Variants in PTPN14 observed in about 807,000 individuals in gnomAD.
The protein encoded by PTPN14 is protein tyrosine phosphatase non-receptor type 14.
In PTPN14, 53 loss-of-function variants were observed where a neutral mutation model predicts 126.8. The observed-to-expected ratio is 0.42, with a 90% CI of 0.34 to 0.53. PTPN14 has a LOEUF of 0.53. Among genes scored for constraint, PTPN14 ranks in the 20% least tolerant of loss-of-function variants. The pLI, the probability that PTPN14 is intolerant of heterozygous loss-of-function variation, is 0.08. For synonymous variants in PTPN14, 630 were observed against 599.3 expected (o/e 1.05, Z -0.75); for missense variants, 1,257 against 1,552.9 (o/e 0.81, Z 3.20).
chr1:214,410,952 A>G (rs1659294209), intron 5 of PTPN14, among the ~76,000 whole-genome samples: 1 of 152,154 alleles, frequency 6.6e-6, no homozygotes, highest in Non-Finnish European at 1.5e-5. Context: ...GGTGACTCCA[A>G]ATGAATTTTA....
chr1:214,472,924 T>C (rs1225812247), intron 1 of PTPN14, among the ~76,000 whole-genome samples: 4 of 152,230 alleles, frequency 2.6e-5, no homozygotes, highest in Admixed American at 6.5e-5. Context: ...GTGCCCATGC[T>C]TGCTGAAAGC....
intron 7 of PTPN14, among the ~76,000 whole-genome samples, chr1:214,398,304 A>G (rs1294403116): frequency 6.6e-6 from 1 of 152,230 alleles, no homozygotes; most frequent in Admixed American, 6.5e-5. Flanking sequence ...AGAAGGATAG[A>G]GTATAATGGT....
chr1:214,447,548 TAAC>T (rs74374505), intron 3 of PTPN14, among the ~76,000 whole-genome samples: 11,308 of 152,160 alleles, frequency 0.074, 536 homozygotes, highest in Non-Finnish European at 0.11. Context: ...CTTTTCTTCC[TAAC>T]AACTTTTCTT....
chr1:214,500,406 T>C (rs1055522651), intron 1 of PTPN14, among the ~76,000 whole-genome samples: 10 of 152,172 alleles, frequency 6.6e-5, no homozygotes, highest in Admixed American at 6.5e-4. Flanking sequence ...CAGATTTTCC[T>C]AGTTCTTTGG....
chr1:214,548,398 G>T (rs542474796), intron 1 of PTPN14, among the ~76,000 whole-genome samples: 1 of 152,256 alleles, frequency 6.6e-6, no homozygotes, highest in African/African-American at 2.4e-5. Context: ...AGATCCAAAA[G>T]CGTATTTTAA....
At chr1:214,512,297 G>T (rs1456732067) in intron 1 of PTPN14, among the ~76,000 whole-genome samples, 1 of 151,988 alleles carries the variant, frequency 6.6e-6, no homozygotes, top group Non-Finnish European at 1.5e-5. Context: ...ACAAAATAAG[G>T]GTTTGGCCTA....
chr1:214,414,672 A>G lies in PTPN14; in HGVS notation c.399T>C (p.Cys133=). The change falls in exon 4 of 19, where the codon TGT becomes TGC. Residue 133 remains cysteine (C), a synonymous_variant. Transcript: ENST00000366956. ...KKDVLEGRLR[C]TLDQVIRLAG... ...CTAGCCGAATCACCTGGTCCAATGTACATCGTAATCGCCCTTCAAGCACAT... is the reference window on the plus strand; with the variant it reads ...CTAGCCGAATCACCTGGTCCAATGTGCATCGTAATCGCCCTTCAAGCACAT... 1 of 1,614,128 alleles carries G rather than the reference A, an allele frequency of 6.2e-7. No homozygotes were observed. Among genetic ancestry groups the G allele is most frequent in the Non-Finnish European group, 8.5e-7 (1 of 1,179,966 alleles).
At chr1:214,479,341 CTTTT>C (rs368916343) in intron 1 of PTPN14, among the ~76,000 whole-genome samples, 1 of 137,990 alleles carries the variant, frequency 7.2e-6, no homozygotes, top group Admixed American at 7.3e-5. Flanking sequence ...AAAACCCTGT[CTTTT>C]TTTTTTTTTT....
chr1:214,499,074 G>A (rs767802577), intron 1 of PTPN14, among the ~76,000 whole-genome samples: 21 of 152,020 alleles, frequency 1.4e-4, no homozygotes, highest in Non-Finnish European at 2.9e-4. Flanking sequence ...CAAAGTACTG[G>A]GATAAGAGAT....
chr1:214,493,885 C>T (rs1661303186), intron 1 of PTPN14, among the ~76,000 whole-genome samples: 1 of 152,110 alleles, frequency 6.6e-6, no homozygotes, highest in Non-Finnish European at 1.5e-5. Flanking sequence ...ACCTGTACCC[C>T]AGAACTTAAA....
At chr1:214,526,652 C>G (rs191361727) in intron 1 of PTPN14, among the ~76,000 whole-genome samples, 2 of 152,262 alleles carry the variant, frequency 1.3e-5, no homozygotes, top group East Asian at 3.9e-4. Flanking sequence ...GGCCCAAACA[C>G]AGCAGAGAAG....
chr1:214,399,738 A>G (rs2102561546), intron 7 of PTPN14, among the ~76,000 whole-genome samples: 2 of 152,240 alleles, frequency 1.3e-5, no homozygotes, highest in Middle Eastern at 6.8e-3. Context: ...AACTCCCATT[A>G]TTCAAATATT....
chr1:214,496,388 TCAGGGG>T (rs1443150342), intron 1 of PTPN14, among the ~76,000 whole-genome samples: 1 of 152,160 alleles, frequency 6.6e-6, no homozygotes, highest in Non-Finnish European at 1.5e-5. Flanking sequence ...GCCAAGGTCC[TCAGGGG>T]CAAGGAATTC....
chr1:214,477,655 G>C (rs184919304), intron 1 of PTPN14, among the ~76,000 whole-genome samples: 1 of 152,252 alleles, frequency 6.6e-6, no homozygotes, highest in African/African-American at 2.4e-5. Context: ...GCAAGCCTGG[G>C]CCTCTAGAGA....
chr1:214,438,069 A>G (rs1659958909), intron 3 of PTPN14, among the ~76,000 whole-genome samples: 1 of 152,262 alleles, frequency 6.6e-6, no homozygotes, highest in South Asian at 2.1e-4. Context: ...TTTTTTAAAT[A>G]ACTGTCACTC....
At chr1:214,401,806 T>TAC in intron 6 of PTPN14, 34 bp from the exon 7 acceptor site, 3 of 1,505,490 alleles carry the variant, frequency 2.0e-6, no homozygotes, top group Non-Finnish European at 1.8e-6. Context: ...GAAGAAATGG[T>TAC]TAAGGGCAGC....
Position 214,384,610 on chromosome 1 carries a change from G to A in PTPN14, c.1245C>T (p.Ile415=), listed in dbSNP as rs1296946191. ...CGGCCCGCATGATGTCACTCCCAGG[G>A]ATACTGAGGTTGGAGGATACAGGGG... The part of the protein sequence containing the change: ...QASPVSSNLS[I]PGSDIMRADY... The change falls in exon 13 of 19, where the codon ATC becomes ATT. Residue 415 remains isoleucine (I), a synonymous_variant. Coordinates refer to ENST00000366956, the MANE Select transcript of PTPN14 (RefSeq NM_005401.5). The surrounding 1 kb of genome is among the most constrained non-coding windows in gnomAD (Gnocchi z 5.3). 4 of 1,614,052 alleles carry A rather than the reference G, an allele frequency of 2.5e-6. No individual in the cohort carries two copies. Among genetic ancestry groups the A allele is most frequent in the Admixed American group, 1.7e-5 (1 of 59,998 alleles).
At chr1:214,547,903 A>G (rs1319922668) in intron 1 of PTPN14, among the ~76,000 whole-genome samples, 1 of 148,702 alleles carries the variant, frequency 6.7e-6, no homozygotes, top group African/African-American at 2.6e-5. Context: ...TTTTGAGCCA[A>G]TAGACTGAAA....
At chr1:214,406,346 C>T (rs1228275709) in intron 5 of PTPN14, among the ~76,000 whole-genome samples, 2 of 151,952 alleles carry the variant, frequency 1.3e-5, no homozygotes, top group Admixed American at 6.5e-5. Context: ...GGCATGGTGG[C>T]ACATGCCTGT....
Sources: gnomAD v4.1 joint callset for allele counts (sites outside exome capture counted in the v4.1 genomes callset) on GRCh38, gnomAD v4.1.1 for gene constraint, Gnocchi (gnomAD v3.1) non-coding constraint, MANE v1.5 for transcripts, NCBI Gene and HGNC (gene_info 2026-07-23, HGNC 2026-07-21) for gene names.